CHFR: variants seen among roughly 807,000 people sequenced by gnomAD.
CHFR encodes the protein E3 ubiquitin-protein ligase CHFR.
CHFR carries 57 observed loss-of-function variants against 87.6 expected under a neutral mutation model. The ratio of observed to expected loss-of-function variants is 0.65; its 90% CI spans 0.53 to 0.81. The LOEUF is 0.81. CHFR is among the 30% of genes least tolerant of loss of function. CHFR has a pLI of 0.00. For synonymous variants in CHFR, 381 were observed against 359.2 expected (o/e 1.06, Z -0.69); for missense variants, 797 against 865.8 (o/e 0.92, Z 1.00).
intron 2 of CHFR, among the ~76,000 whole-genome samples, chr12:132,885,132 G>T (rs966080303): frequency 6.6e-6 from 1 of 150,636 alleles, no homozygotes; most frequent in African/African-American, 2.4e-5. Context: ...ATTTCTGGCC[G>T]GGCGCGATAG....
intron 2 of CHFR, among the ~76,000 whole-genome samples, chr12:132,886,071 G>C (rs990213008): frequency 2.0e-5 from 3 of 152,120 alleles, no homozygotes; most frequent in Non-Finnish European, 4.4e-5. Context: ...CAGCACTTTC[G>C]GAGGCCGAAG....
At position 132,833,503 on chromosome 12, in the gene CHFR, A is replaced by G. The variant is rs940551243; in HGVS notation, c.*8051T>C. The stretch of plus-strand genomic sequence containing the variant: ...GCCGATGGTTGAGGGAGGACTTCTC[A>G]GGAGAATGTGAGCCAACAAGTAAGA... On this transcript the variant is annotated 3_prime_UTR_variant, in exon 18 of 18. Transcript: ENST00000450056. 1 of 152,240 alleles carries G rather than the reference A, an allele frequency of 6.6e-6. No homozygotes were observed. Among genetic ancestry groups the G allele is most frequent in the African/African-American group, 2.4e-5 (1 of 41,456 alleles). 9.4% of individuals were successfully genotyped at this position (152,240 alleles called of 1,614,324 possible).
At chr12:132,875,252 C>A (rs1951604426) in intron 3 of CHFR, among the ~76,000 whole-genome samples, 1 of 152,244 alleles carries the variant, frequency 6.6e-6, no homozygotes, top group Non-Finnish European at 1.5e-5. Flanking sequence ...TCTCACAGAG[C>A]CTGATCTTTA....
intron 3 of CHFR, among the ~76,000 whole-genome samples, chr12:132,876,605 T>C (rs144056023): frequency 2.0e-5 from 3 of 152,340 alleles, no homozygotes; most frequent in Non-Finnish European, 2.9e-5. Flanking sequence ...CAAACTTGAA[T>C]AGGCTTGCAA....
At position 132,861,778 on chromosome 12, in the gene CHFR, T is replaced by C. The variant is rs115923354; in HGVS notation, c.584-144A>G. 1.7e-3 allele frequency: 1,171 copies of C among 692,808 alleles called. 10 individuals are homozygous for C. In the African/African-American group the frequency reaches 0.019, roughly 11 times the overall value. 42.9% of individuals were successfully genotyped at this position (692,808 alleles called of 1,614,324 possible). ...GGAATGACAAGTGGCTTACGAGGAG[T>C]GTGTGCTCACTCAACTCACATCTTA... On this transcript the variant is annotated intron_variant, in intron 6 of 17. Transcript: ENST00000450056.
At chr12:132,856,393 GT>G (rs1951070941) in intron 10 of CHFR, 74 bp downstream of exon 10, 28 of 1,505,172 alleles carry the variant, frequency 1.9e-5, no homozygotes, top group Middle Eastern at 4.6e-4. Flanking sequence ...TGTCCACCCA[GT>G]AGTGAGCTCT....
intron 11 of CHFR, 111 bp downstream of exon 11, chr12:132,853,320 C>T (rs1357988389): frequency 4.2e-6 from 5 of 1,183,494 alleles, no homozygotes; most frequent in South Asian, 1.9e-5. Flanking sequence ...CCAAAGGGGG[C>T]GAGCAGTGCA....
At chr12:132,860,648 A>C (rs1951191162) in intron 7 of CHFR, among the ~76,000 whole-genome samples, 1 of 152,222 alleles carries the variant, frequency 6.6e-6, no homozygotes, top group African/African-American at 2.4e-5. Flanking sequence ...AATAATCTTA[A>C]CTTTGGCTTT....
At chr12:132,858,975 C>T in intron 8 of CHFR, 93 bp downstream of exon 8, 4 of 1,273,740 alleles carry the variant, frequency 3.1e-6, no homozygotes, top group Non-Finnish European at 4.3e-6. Flanking sequence ...CCAAACAGGA[C>T]CTGCAGGCTT....
intron 6 of CHFR, among the ~76,000 whole-genome samples, chr12:132,868,739 A>T (rs1377750653): frequency 6.6e-6 from 1 of 151,344 alleles, no homozygotes; most frequent in Non-Finnish European, 1.5e-5. Context: ...GAACAGAAAA[A>T]TCCAGAGGCC....
intron 4 of CHFR, 38 bp downstream of exon 4, chr12:132,872,247 G>T: frequency 7.3e-7 from 1 of 1,374,178 alleles, no homozygotes; most frequent in Non-Finnish European, 1.0e-6. Flanking sequence ...GTGCACCCCC[G>T]TGCGGGTCTG....
intron 8 of CHFR, among the ~76,000 whole-genome samples, chr12:132,858,013 A>G (rs939583027): frequency 1.2e-4 from 19 of 152,224 alleles, no homozygotes; most frequent in Admixed American, 2.0e-4. Flanking sequence ...TGGGGTCTAC[A>G]GCCTCCGGCT....
In CHFR at chr12:132,848,742, T is replaced by A; in HGVS notation, c.1493-18A>T. 1 of 1,559,766 alleles carries A rather than the reference T, an allele frequency of 6.4e-7. No individual in the cohort carries two copies. Among genetic ancestry groups the A allele is most frequent in the Non-Finnish European group, 8.7e-7 (1 of 1,148,450 alleles). On this transcript the variant is annotated intron_variant, in intron 12 of 17. Transcript: ENST00000450056. ...GACCGCACCTGTGGAGAGAGGACAC[T>A]CGTTACACGCACTCAGCGCTGAGGG...
intron 13 of CHFR, chr12:132,848,360 G>A (rs1005098134): frequency 2.5e-5 from 24 of 967,288 alleles, no homozygotes; most frequent in African/African-American, 1.3e-4. Context: ...AGCTCTCCGA[G>A]TCTCCCCAGC....
chr12:132,842,631 G>T (rs574477582), intron 17 of CHFR, among the ~76,000 whole-genome samples: 2 of 152,366 alleles, frequency 1.3e-5, no homozygotes, highest in East Asian at 3.9e-4. Flanking sequence ...TGAGGGTGAC[G>T]ATGTGACAGC....
At chr12:132,878,384 G>A (rs12827323) in intron 2 of CHFR, among the ~76,000 whole-genome samples, 32,214 of 151,348 alleles carry the variant, frequency 0.21, 3,782 homozygotes, top group Middle Eastern at 0.38. Context: ...CAGGAGAATC[G>A]CATGAACCCA....
At chr12:132,861,394 G>T in intron 7 of CHFR, 73 bp downstream of exon 7, 2 of 1,499,894 alleles carry the variant, frequency 1.3e-6, no homozygotes, top group Non-Finnish European at 1.8e-6. Context: ...CCACAGCACG[G>T]AGCATGGCAG....
intron 6 of CHFR, chr12:132,866,435 C>T (rs1382722983): frequency 6.6e-6 from 1 of 151,516 alleles, no homozygotes; most frequent in Non-Finnish European, 1.5e-5. Context: ...ACAACACACC[C>T]TGGAACGTTA....
chr12:132,856,426 T>A, intron 10 of CHFR, 42 bp downstream of exon 10: 1 of 1,606,492 alleles, frequency 6.2e-7, no homozygotes. Context: ...GTGATGCTCC[T>A]CTGGCTCACA....
Sources: gnomAD v4.1 joint callset for allele counts (sites outside exome capture counted in the v4.1 genomes callset) on GRCh38, gnomAD v4.1.1 for gene constraint, MANE v1.5 for transcripts, NCBI Gene and HGNC (gene_info 2026-07-23, HGNC 2026-07-21) for gene names.